The following WIPF1 variants were observed in gnomAD, a reference collection of about 807,000 sequenced individuals.
The protein encoded by WIPF1 is WAS/WASL interacting protein family member 1, also known as WAS/WASL-interacting protein family member 1.
Under a neutral mutation model 35.4 loss-of-function variants are expected in WIPF1, and 13 were observed. The observed-to-expected ratio is 0.37, with a 90% confidence interval of 0.24 to 0.58. The LOEUF (loss-of-function observed/expected upper bound fraction) is 0.58, where lower values mean the gene tolerates loss of function less well. Ranked by LOEUF, WIPF1 falls within the 20% of genes least tolerant of loss-of-function variation. The pLI, the probability that WIPF1 is intolerant of heterozygous loss-of-function variation, is 0.74. For missense variants in WIPF1, 591 were observed against 667.0 expected (o/e 0.89, Z 1.25); for synonymous variants, 267 against 266.3 (o/e 1.00, Z -0.02).
At chr2:174,603,783 C>G (rs1419853662) in intron 1 of WIPF1, among the ~76,000 whole-genome samples, 1 of 152,114 alleles carries the variant, frequency 6.6e-6, no homozygotes, top group Non-Finnish European at 1.5e-5. Flanking sequence ...AAATTCTCTA[C>G]AGCATGCTAA....
chr2:174,575,319 GCCAAATCCGCCGCCTCCA>G lies in WIPF1; in HGVS notation c.225_242del (p.Phe80_Gly85del). 6.2e-7 allele frequency: 1 copy of G among 1,613,348 alleles called. No homozygotes were observed. The highest frequency in any genetic ancestry group is 8.5e-7 in the Non-Finnish European group (1 of 1,179,670). ...CACCGCCTCCGCCACCACCTCCTCC[GCCAAATCCGCCGCCTCCA>G]CCAAAGCCACCACCACCGCCTCCAG... is the stretch of plus-strand genomic sequence containing the variant. On this transcript the variant is annotated inframe_deletion, in exon 4 of 8. Transcript: ENST00000679041.
intron 1 of WIPF1, among the ~76,000 whole-genome samples, chr2:174,644,447 A>G (rs1205169805): frequency 1.6e-5 from 2 of 122,064 alleles, no homozygotes; most frequent in Non-Finnish European, 3.4e-5. Context: ...CCCCCTCCCT[A>G]TATGGAGGAC....
chr2:174,602,511 G>T (rs1430529702), upstream of WIPF1, among the ~76,000 whole-genome samples: 2 of 152,142 alleles, frequency 1.3e-5, no homozygotes, highest in Non-Finnish European at 2.9e-5. Flanking sequence ...TTCTTATACT[G>T]CAGAATGACT....
chr2:174,596,800 A>C, intron 1 of WIPF1, among the ~76,000 whole-genome samples: 1 of 152,192 alleles, frequency 6.6e-6, no homozygotes, highest in East Asian at 1.9e-4. Context: ...GAGTTTTTTA[A>C]AGCTTTATTT....
chr2:174,663,821 T>A (rs1333599943), intron 1 of WIPF1, among the ~76,000 whole-genome samples: 1 of 152,212 alleles, frequency 6.6e-6, no homozygotes, highest in African/African-American at 2.4e-5. Flanking sequence ...CAGGAAAGAA[T>A]GTGCGCACTG....
intron 4 of WIPF1, chr2:174,574,982 C>A (rs1206894899): frequency 1.3e-6 from 1 of 773,118 alleles, no homozygotes; most frequent in South Asian, 1.4e-5. Flanking sequence ...AGGTTACCCC[C>A]AAAGACACTG....
At chr2:174,681,180 A>C (rs1359656538) in intron 1 of WIPF1, among the ~76,000 whole-genome samples, 1 of 152,232 alleles carries the variant, frequency 6.6e-6, no homozygotes, top group East Asian at 1.9e-4. Context: ...GGTAAGTCCC[A>C]GGGAGGAAGA....
chr2:174,664,186 AT>A (rs1343973819), intron 1 of WIPF1, among the ~76,000 whole-genome samples: 1 of 152,166 alleles, frequency 6.6e-6, no homozygotes, highest in Non-Finnish European at 1.5e-5. Flanking sequence ...CTTCAATCTA[AT>A]TTAGTGTAGC....
chr2:174,606,940 G>A (rs1574830684), intron 1 of WIPF1, among the ~76,000 whole-genome samples: 1 of 152,162 alleles, frequency 6.6e-6, no homozygotes, highest in African/African-American at 2.4e-5. Flanking sequence ...CAAGGTCGAG[G>A]GGCCACATCT....
chr2:174,667,222 T>C (rs575606214), intron 1 of WIPF1, among the ~76,000 whole-genome samples: 8 of 152,272 alleles, frequency 5.3e-5, no homozygotes, highest in Non-Finnish European at 1.2e-4. Flanking sequence ...CCTCGAACAG[T>C]CTACCAAGTA....
intron 1 of WIPF1, among the ~76,000 whole-genome samples, chr2:174,640,795 AT>A (rs1245247343): frequency 3.9e-5 from 6 of 152,028 alleles, no homozygotes; most frequent in African/African-American, 1.4e-4. Context: ...AAGAATTTAA[AT>A]TTAAAGAATT....
chr2:174,562,786 C>G (rs906508954), intron 7 of WIPF1, among the ~76,000 whole-genome samples, 184 bp from the exon 8 acceptor site: 1 of 152,182 alleles, frequency 6.6e-6, no homozygotes, highest in Non-Finnish European at 1.5e-5. Context: ...TCTGAATAAA[C>G]ATCATGGTGG....
intron 1 of WIPF1, among the ~76,000 whole-genome samples, chr2:174,615,907 A>G (rs1686494470): frequency 6.6e-6 from 1 of 152,234 alleles, no homozygotes; most frequent in Non-Finnish European, 1.5e-5. Context: ...CTATTTGCCA[A>G]AATTAGTGGA....
intron 1 of WIPF1, among the ~76,000 whole-genome samples, chr2:174,612,893 T>C (rs573060850): frequency 2.0e-5 from 3 of 152,350 alleles, no homozygotes; most frequent in African/African-American, 4.8e-5. Flanking sequence ...TAACCATTCG[T>C]AGACTGACTG....
At chr2:174,596,446 T>C (rs1338632306) in intron 1 of WIPF1, among the ~76,000 whole-genome samples, 1 of 152,190 alleles carries the variant, frequency 6.6e-6, no homozygotes, top group African/African-American at 2.4e-5. Flanking sequence ...CTTTTCCCAG[T>C]TTCTCATCTT....
intron 1 of WIPF1, among the ~76,000 whole-genome samples, chr2:174,605,102 G>C (rs940873746): frequency 1.3e-5 from 2 of 152,216 alleles, no homozygotes; most frequent in African/African-American, 4.8e-5. Flanking sequence ...AATGCAGTAA[G>C]AGCGAGGGGA....
chr2:174,597,527 C>A (rs1267421919), intron 1 of WIPF1, 74 bp downstream of exon 1: 2 of 152,322 alleles, frequency 1.3e-5, no homozygotes, highest in African/African-American at 4.8e-5. Flanking sequence ...ATACTATGGT[C>A]CATTAAAAGC....
intron 3 of WIPF1, 147 bp from the exon 4 acceptor site, chr2:174,575,527 TC>T (rs1685030114): frequency 7.2e-7 from 1 of 1,390,484 alleles, no homozygotes; most frequent in East Asian, 2.5e-5. Context: ...TTTTAAGAGT[TC>T]CCTCAGCTCA....
chr2:174,617,412 C>T (rs562034215), intron 1 of WIPF1, among the ~76,000 whole-genome samples: 1 of 152,304 alleles, frequency 6.6e-6, no homozygotes, highest in East Asian at 1.9e-4. Context: ...AGAGAGACAG[C>T]CCAGAAAGAA....
Sources: gnomAD v4.1 joint callset for allele counts (sites outside exome capture counted in the v4.1 genomes callset) on GRCh38, gnomAD v4.1.1 for gene constraint, MANE v1.5 for transcripts, NCBI Gene and HGNC (gene_info 2026-07-23, HGNC 2026-07-21) for gene names.